The following TXNL4A variants were observed in gnomAD, a reference collection of about 807,000 sequenced individuals.
TXNL4A encodes the protein thioredoxin-like protein 4A.
Under a neutral mutation model 14.6 loss-of-function variants are expected in TXNL4A, and 17 were observed. The observed-to-expected ratio is 1.16, with a 90% CI of 0.80 to 1.74. The LOEUF (loss-of-function observed/expected upper bound fraction) is 1.74. Ranked by LOEUF, TXNL4A falls within the 40% of genes most tolerant of loss-of-function variation. TXNL4A has a pLI of 0.00. For missense variants in TXNL4A, 74 were observed against 195.2 expected, an observed-to-expected ratio of 0.38 and a Z score of 3.70; for synonymous variants, 83 against 70.6, an observed-to-expected ratio of 1.18 and a Z score of -0.88.
At chr18:79,979,064 T>C (rs1171138993) in intron 1 of TXNL4A, among the ~76,000 whole-genome samples, 1 of 151,858 alleles carries the variant, frequency 6.6e-6, no homozygotes, top group Non-Finnish European at 1.5e-5. Flanking sequence ...CAAACTCTCG[T>C]GTAGCTGGGA....
chr18:80,030,167 C>G (rs543377468), intron 1 of TXNL4A, among the ~76,000 whole-genome samples: 3 of 152,368 alleles, frequency 2.0e-5, no homozygotes, highest in African/African-American at 7.2e-5. Context: ...CATTGACCTT[C>G]AACCCAGGAT....
At chr18:79,976,567 C>T (rs1398864680) in intron 2 of TXNL4A, among the ~76,000 whole-genome samples, 1 of 152,192 alleles carries the variant, frequency 6.6e-6, no homozygotes, top group African/African-American at 2.4e-5. Flanking sequence ...AGACCCTGAG[C>T]AGGAATCCAG....
rs2051768934 is a variant in TXNL4A at position 80,011,411 on chromosome 18, A to G, written c.-61+22440T>C. Among the ~76,000 whole-genome samples, 1 of 152,208 alleles carries G rather than the reference A, an allele frequency of 6.6e-6. No homozygotes were observed. Among genetic ancestry groups the G allele is most frequent in the Non-Finnish European group, 1.5e-5 (1 of 68,042 alleles). ...TGCACAGGCGCCCACTACTTCAGCTATAAGGACATTGAGAGTTTATTTTGC... is the reference window on the plus strand; with the variant it reads ...TGCACAGGCGCCCACTACTTCAGCTGTAAGGACATTGAGAGTTTATTTTGC... On this transcript the variant is annotated intron_variant, in intron 1 of 2. Coordinates refer to the TXNL4A transcript ENST00000585474. This position sits in a 1 kb window ranked among gnomAD's most constrained non-coding sequence, Gnocchi z 4.1.
chr18:80,000,985 G>A (rs547428369), intron 1 of TXNL4A, among the ~76,000 whole-genome samples: 2 of 152,346 alleles, frequency 1.3e-5, no homozygotes, highest in South Asian at 4.1e-4. Context: ...AATGTCTCCA[G>A]GGCATGTCAG....
intron 1 of TXNL4A, among the ~76,000 whole-genome samples, chr18:80,022,363 C>T (rs2051855673): frequency 6.6e-6 from 1 of 152,184 alleles, no homozygotes; most frequent in Non-Finnish European, 1.5e-5. Flanking sequence ...ACGTGGCTGC[C>T]AAAAGGGTGG....
At chr18:80,001,732 C>T (rs1288859360) in intron 1 of TXNL4A, among the ~76,000 whole-genome samples, 1 of 152,184 alleles carries the variant, frequency 6.6e-6, no homozygotes, top group Non-Finnish European at 1.5e-5. Context: ...TGGCTAATTT[C>T]TCTAATTTCG....
intron 1 of TXNL4A, among the ~76,000 whole-genome samples, chr18:80,009,077 T>G (rs1359610848): frequency 1.3e-5 from 2 of 152,210 alleles, no homozygotes; most frequent in Non-Finnish European, 2.9e-5. Context: ...GCGCCCGGCC[T>G]ACTTTATTTT....
Position 79,988,336 on chromosome 18 carries a change from G to A in TXNL4A, c.57C>T (p.Leu19=), listed in dbSNP as rs2051588373. The change falls in exon 1 of 3, where the codon CTC becomes CTT. Residue 19 remains leucine (L), a synonymous_variant. Transcript: ENST00000269601. ...HNGWQVDQAI[L]SEEDRVVVIR... The stretch of plus-strand genomic sequence containing the variant: ...TGACGACCACGCGGTCCTCCTCCGA[G>A]AGGATGGCCTGGTCCACCTGCCAGC... The A allele has an allele frequency of 3.8e-6, 6 of 1,585,024 alleles. No homozygotes were observed. Among genetic ancestry groups the A allele is most frequent in the South Asian group, 2.3e-5 (2 of 87,382 alleles).
chr18:79,984,965 TAGAA>T (rs1358991800), intron 1 of TXNL4A, among the ~76,000 whole-genome samples: 1 of 152,010 alleles, frequency 6.6e-6, no homozygotes, highest in Non-Finnish European at 1.5e-5. Context: ...TCCTACAAAA[TAGAA>T]AGACAGCTCA....
chr18:79,990,084 G>A (rs997932931), upstream of TXNL4A, among the ~76,000 whole-genome samples: 1 of 152,186 alleles, frequency 6.6e-6, no homozygotes, highest in Admixed American at 6.5e-5. Context: ...AGAGCCTGCT[G>A]GCATGGGGAT....
chr18:79,992,556 G>C (rs1011898792), upstream of TXNL4A, among the ~76,000 whole-genome samples: 3 of 152,090 alleles, frequency 2.0e-5, no homozygotes, highest in Non-Finnish European at 4.4e-5. Flanking sequence ...AAGTTAAGCT[G>C]GGAACTGGGT....
Position 80,004,733 on chromosome 18 carries a change from A to G in TXNL4A, c.-60-27032T>C, listed in dbSNP as rs1176554003. Among the ~76,000 whole-genome samples, 3 of 152,318 alleles carry G rather than the reference A, an allele frequency of 2.0e-5. No homozygotes were observed. The South Asian group carries it at 6.2e-4, about 32-fold the overall frequency. ...CGCTCTGAGAACTCATGAGAAAATCACCAGAGAAAACAAGCCTTGAGCAGA... is the reference window on the plus strand; with the variant it reads ...CGCTCTGAGAACTCATGAGAAAATCGCCAGAGAAAACAAGCCTTGAGCAGA... On this transcript the variant is annotated intron_variant, in intron 1 of 2. Transcript: ENST00000585474.
chr18:79,988,142 C>T, intron 1 of TXNL4A, 98 bp downstream of exon 1: 2 of 1,298,218 alleles, frequency 1.5e-6, no homozygotes, highest in East Asian at 3.0e-5. Context: ...GGCCCCTCCT[C>T]GGGGAACAGC....
rs565620466 is a variant in TXNL4A at position 80,016,631 on chromosome 18, A to G, written c.-61+17220T>C. On this transcript the variant is annotated intron_variant, in intron 1 of 2. Transcript: ENST00000585474. ...TTATTAAATAGGGAATCCTTTCCAC[A>G]TTGCTTGTTTTTCTCAGGTTCGTCA... 8.5e-5 allele frequency among the ~76,000 whole-genome samples: 13 copies of G among 152,222 alleles called. No individual in the cohort carries two copies. In the South Asian group the frequency reaches 2.5e-3, roughly 29 times the overall value.
At chr18:80,025,180 G>A (rs2051876301) in intron 1 of TXNL4A, among the ~76,000 whole-genome samples, 1 of 152,236 alleles carries the variant, frequency 6.6e-6, no homozygotes, top group South Asian at 2.1e-4. Flanking sequence ...GAATGGGAGA[G>A]TTATTTTCAG....
intron 1 of TXNL4A, among the ~76,000 whole-genome samples, chr18:80,033,582 C>G (rs1019811976): frequency 6.6e-6 from 1 of 152,262 alleles, no homozygotes; most frequent in Non-Finnish European, 1.5e-5. Flanking sequence ...TCGCAGCCTC[C>G]CGCCGACAGC....
At chr18:79,986,286 T>C (rs2051546954) in intron 1 of TXNL4A, among the ~76,000 whole-genome samples, 1 of 152,204 alleles carries the variant, frequency 6.6e-6, no homozygotes, top group Admixed American at 6.5e-5. Context: ...TCGCCTACGC[T>C]GGCCTCCCAA....
At chr18:79,986,202 G>A (rs1389848611) in intron 1 of TXNL4A, among the ~76,000 whole-genome samples, 3 of 152,024 alleles carry the variant, frequency 2.0e-5, no homozygotes, top group Admixed American at 2.0e-4. Context: ...ACCACGCCCG[G>A]CATTTGTACT....
chr18:80,014,469 A>G (rs989967771), intron 1 of TXNL4A, among the ~76,000 whole-genome samples: 66 of 152,212 alleles, frequency 4.3e-4, no homozygotes, highest in Non-Finnish European at 1.8e-4. Flanking sequence ...AGGGCAGTCA[A>G]ATATTAAGGC....
Sources: allele counts gnomAD v4.1 joint callset (sites outside exome capture counted in the v4.1 genomes callset), GRCh38; gene constraint gnomAD v4.1.1; non-coding constraint Gnocchi (gnomAD v3.1); transcripts MANE v1.5; gene names NCBI Gene and HGNC (gene_info 2026-07-23, HGNC 2026-07-21).